GTF2IRD1: variants seen among roughly 807,000 people sequenced by gnomAD.
GTF2IRD1 encodes the protein GTF2I repeat domain containing 1.
In GTF2IRD1, 26 loss-of-function variants were observed where a neutral mutation model predicts 113.2. That is an observed-to-expected ratio of 0.23 (90% CI 0.17 to 0.32). The LOEUF (loss-of-function observed/expected upper bound fraction) is 0.32. Among genes scored for constraint, GTF2IRD1 ranks in the 10% least tolerant of loss-of-function variants. The probability of loss-of-function intolerance (pLI) is 1.00; values close to 1 mark genes in which losing one functional copy is unlikely to be tolerated. For missense variants in GTF2IRD1, 864 were observed against 1,280.8 expected, an observed-to-expected ratio of 0.67 and a Z score of 4.97; for synonymous variants, 484 against 529.1, an observed-to-expected ratio of 0.91 and a Z score of 1.17.
chr7:74,462,982 G>T (rs558982951), intron 1 of GTF2IRD1, among the ~76,000 whole-genome samples: 11 of 152,338 alleles, frequency 7.2e-5, no homozygotes, highest in African/African-American at 9.6e-5. Context: ...GTGCCCTGGG[G>T]TGTCTTGCCC....
chr7:74,503,099 G>A (rs191944409), intron 1 of GTF2IRD1, among the ~76,000 whole-genome samples: 3 of 151,718 alleles, frequency 2.0e-5, no homozygotes, highest in Non-Finnish European at 4.4e-5. Context: ...CCTGGGAGGT[G>A]GAGGTTGCAA....
chr7:74,540,116 G>A, intron 14 of GTF2IRD1, 148 bp downstream of exon 14: 1 of 574,896 alleles, frequency 1.7e-6, no homozygotes, highest in Non-Finnish European at 3.1e-6. Flanking sequence ...CCTAATCCAA[G>A]GCTGGGTTCC....
At chr7:74,567,779 G>A (rs1390996858) in intron 22 of GTF2IRD1, among the ~76,000 whole-genome samples, 3 of 151,846 alleles carry the variant, frequency 2.0e-5, no homozygotes, top group Non-Finnish European at 4.4e-5. Context: ...TGCAGAGAGG[G>A]CTTTCTTTTT....
chr7:74,515,961 T>C (rs782724115), intron 4 of GTF2IRD1, among the ~76,000 whole-genome samples: 9 of 152,184 alleles, frequency 5.9e-5, no homozygotes, highest in Non-Finnish European at 1.3e-4. Context: ...AATGAAGCTC[T>C]TCTCTCCACA....
At chr7:74,547,708 G>A (rs1401472101) in intron 17 of GTF2IRD1, among the ~76,000 whole-genome samples, 3 of 151,568 alleles carry the variant, frequency 2.0e-5, no homozygotes, top group African/African-American at 7.3e-5. Flanking sequence ...CAAAGTGCTG[G>A]GATTACAGGT....
At chr7:74,472,886 C>T (rs1273401636) in intron 1 of GTF2IRD1, among the ~76,000 whole-genome samples, 1 of 152,220 alleles carries the variant, frequency 6.6e-6, no homozygotes, top group African/African-American at 2.4e-5. Flanking sequence ...TGGACAGGCC[C>T]AAGCTGGCCC....
At chr7:74,587,513 A>G (rs1321864114) in intron 22 of GTF2IRD1, among the ~76,000 whole-genome samples, 1 of 151,870 alleles carries the variant, frequency 6.6e-6, no homozygotes, top group Admixed American at 6.6e-5. Context: ...TCTGCCCTGA[A>G]TCATCCGGCC....
chr7:74,530,028 G>T (rs1168302162), intron 9 of GTF2IRD1, 111 bp downstream of exon 9: 8 of 715,724 alleles, frequency 1.1e-5, no homozygotes, highest in Non-Finnish European at 4.6e-6. Flanking sequence ...TGGTCAACAT[G>T]GCAAAACCCC....
At chr7:74,523,734 A>C (rs1562833059) in intron 7 of GTF2IRD1, among the ~76,000 whole-genome samples, 1 of 152,060 alleles carries the variant, frequency 6.6e-6, no homozygotes, top group South Asian at 2.1e-4. Context: ...GAAAAAAAAA[A>C]ACATAAGACT....
intron 17 of GTF2IRD1, 104 bp downstream of exon 17, chr7:74,547,390 C>T: frequency 4.6e-6 from 4 of 863,438 alleles, no homozygotes; most frequent in Non-Finnish European, 5.5e-6. Context: ...GCCTCAGCCA[C>T]CTGAATAGCT....
intron 8 of GTF2IRD1, among the ~76,000 whole-genome samples, chr7:74,525,285 A>G (rs1429528443): frequency 1.3e-5 from 2 of 152,184 alleles, no homozygotes; most frequent in Non-Finnish European, 2.9e-5. Context: ...AGCCTGGGCC[A>G]GGTAGGCCTG....
Position 74,589,602 on chromosome 7 carries a change from C to T in GTF2IRD1, c.2321-249C>T, listed in dbSNP as rs587664133. On this transcript the variant is annotated intron_variant, in intron 22 of 26. Transcript: ENST00000424337. ...ATCCCAGCTACTTGGGATGGTGAGG[C>T]AGGAGAATTCGCTTGAACCCAGAAG... 5.9e-5 allele frequency among the ~76,000 whole-genome samples: 9 copies of T among 151,738 alleles called. No individual in the cohort carries two copies. The South Asian group carries it at 1.9e-3, about 32-fold the overall frequency.
intron 22 of GTF2IRD1, among the ~76,000 whole-genome samples, chr7:74,576,999 T>G (rs1232796627): frequency 6.6e-6 from 1 of 152,012 alleles, no homozygotes; most frequent in Non-Finnish European, 1.5e-5. Context: ...TCAGATTCTC[T>G]GAGTTACCAA....
chr7:74,454,527 C>T (rs1440297217), intron 1 of GTF2IRD1, among the ~76,000 whole-genome samples: 1 of 152,036 alleles, frequency 6.6e-6, no homozygotes, highest in Non-Finnish European at 1.5e-5. Flanking sequence ...GTCGCGCTGC[C>T]CGCGGTGGCG....
intron 22 of GTF2IRD1, among the ~76,000 whole-genome samples, chr7:74,583,848 A>C (rs1801570147): frequency 6.6e-6 from 1 of 151,916 alleles, no homozygotes; most frequent in Admixed American, 6.6e-5. Flanking sequence ...CTTGTGTCTT[A>C]CTCACCGCTC....
rs117013086 is a variant in GTF2IRD1 at position 74,509,127 on chromosome 7, C to T, written c.123+924C>T. On this transcript the variant is annotated intron_variant, in intron 2 of 26. Coordinates refer to ENST00000424337, the MANE Select transcript of GTF2IRD1 (RefSeq NM_005685.4). ...ATCCCAGCACTTTTAGGGGCCGAGG[C>T]GGGTGGATCATTTGGGGTCAGGAGT... Among the ~76,000 whole-genome samples the T allele has an allele frequency of 9.1e-3, 1,388 of 152,056 alleles. 20 individuals carry two copies. Among genetic ancestry groups the T allele is most frequent in the South Asian group, 0.023 (109 of 4,804 alleles).
intron 1 of GTF2IRD1, among the ~76,000 whole-genome samples, chr7:74,489,201 G>C (rs1349517150): frequency 6.6e-6 from 1 of 152,106 alleles, no homozygotes; most frequent in Non-Finnish European, 1.5e-5. Flanking sequence ...CAGATCTGGG[G>C]TCATACAGGA....
At chr7:74,528,920 T>TGGAC (rs71094794) in intron 8 of GTF2IRD1, among the ~76,000 whole-genome samples, 12,388 of 101,378 alleles carry the variant, frequency 0.12, 1,440 homozygotes, top group East Asian at 0.25. Context: ...GATGGATGGA[T>TGGAC]GGACGGACAA....
chr7:74,455,201 CTG>C (rs555870752), intron 1 of GTF2IRD1, among the ~76,000 whole-genome samples: 20 of 152,232 alleles, frequency 1.3e-4, no homozygotes, highest in Non-Finnish European at 2.6e-4. Context: ...GCTGCAGGGC[CTG>C]TGAGGGGAGC....
Sources: gnomAD v4.1 joint callset for allele counts (sites outside exome capture counted in the v4.1 genomes callset) on GRCh38, gnomAD v4.1.1 for gene constraint, MANE v1.5 for transcripts, NCBI Gene and HGNC (gene_info 2026-07-23, HGNC 2026-07-21) for gene names.